The following UBE2E2 variants were observed in gnomAD, a reference collection of about 807,000 sequenced individuals.
UBE2E2 encodes the protein ubiquitin conjugating enzyme E2 E2.
A neutral mutation model predicts 24.7 loss-of-function variants in UBE2E2; 6 were observed. The ratio of observed to expected loss-of-function variants is 0.24; its 90% CI spans 0.13 to 0.48. The LOEUF is 0.48. UBE2E2 is among the 20% of genes least tolerant of loss of function. The pLI, the probability that UBE2E2 is intolerant of heterozygous loss-of-function variation, is 0.99. For missense variants in UBE2E2, 169 were observed against 245.0 expected, an observed-to-expected ratio of 0.69 and a Z score of 2.07; for synonymous variants, 104 against 83.6, an observed-to-expected ratio of 1.24 and a Z score of -1.33.
At chr3:23,485,982 G>T (rs1267590732) in intron 3 of UBE2E2, among the ~76,000 whole-genome samples, 1 of 152,190 alleles carries the variant, frequency 6.6e-6, no homozygotes, top group African/African-American at 2.4e-5. Flanking sequence ...TCCTTCAGGT[G>T]TCGCTTCACC....
At chr3:23,573,520 A>T (rs1696274120) in intron 5 of UBE2E2, among the ~76,000 whole-genome samples, 1 of 152,220 alleles carries the variant, frequency 6.6e-6, no homozygotes, top group Admixed American at 6.5e-5. Flanking sequence ...AGTACTAAAC[A>T]GCCAGTATTA....
At chr3:23,402,328 G>A (rs35028631) in intron 3 of UBE2E2, among the ~76,000 whole-genome samples, 11,089 of 152,154 alleles carry the variant, frequency 0.073, 528 homozygotes, top group Non-Finnish European at 0.088. Context: ...GTGATCTTAC[G>A]TGATAGTCAC....
intron 5 of UBE2E2, among the ~76,000 whole-genome samples, chr3:23,551,319 G>A (rs375473801): frequency 1.3e-5 from 2 of 152,158 alleles, no homozygotes; most frequent in East Asian, 3.8e-4. Context: ...TTATAACTTT[G>A]GTAAGTATTC....
intron 3 of UBE2E2, among the ~76,000 whole-genome samples, chr3:23,288,528 T>C (rs1698678641): frequency 1.3e-5 from 2 of 152,236 alleles, no homozygotes; most frequent in Non-Finnish European, 2.9e-5. Context: ...AGTCTCCAGC[T>C]ATTATTGTAT....
chr3:23,566,618 C>T (rs906720147), intron 5 of UBE2E2, among the ~76,000 whole-genome samples: 6 of 152,088 alleles, frequency 3.9e-5, no homozygotes, highest in African/African-American at 1.4e-4. Context: ...AGAGTGAAGG[C>T]AAGTCACATG....
chr3:23,363,063 A>G (rs1428884961), intron 3 of UBE2E2, among the ~76,000 whole-genome samples: 1 of 152,238 alleles, frequency 6.6e-6, no homozygotes, highest in Non-Finnish European at 1.5e-5. Flanking sequence ...TCATAAGAGA[A>G]GGAGAAATAA....
At chr3:23,575,682 A>G (rs562736813) in intron 5 of UBE2E2, among the ~76,000 whole-genome samples, 22 of 152,200 alleles carry the variant, frequency 1.4e-4, no homozygotes, top group Non-Finnish European at 2.8e-4. Flanking sequence ...AGTAAATTGT[A>G]CATACTTTTA....
chr3:23,332,163 T>C (rs774283821), intron 3 of UBE2E2, among the ~76,000 whole-genome samples: 2 of 152,210 alleles, frequency 1.3e-5, no homozygotes, highest in Non-Finnish European at 2.9e-5. Flanking sequence ...TTTTTTTCTT[T>C]TTGAGATGGG....
At chr3:23,471,395 A>G (rs1699030967) in intron 3 of UBE2E2, among the ~76,000 whole-genome samples, 1 of 152,206 alleles carries the variant, frequency 6.6e-6, no homozygotes, top group African/African-American at 2.4e-5. Context: ...GGTAAGGACA[A>G]ACTGCCAACA....
chr3:23,579,701 T>TA (rs557538648), intron 5 of UBE2E2, among the ~76,000 whole-genome samples: 59 of 148,014 alleles, frequency 4.0e-4, no homozygotes, highest in South Asian at 2.6e-3. Context: ...CCCTGTCTCT[T>TA]AAAAAAAAAA....
rs915613681 is a variant in UBE2E2 at position 23,493,306 on chromosome 3, A to T, written c.228-6302A>T. ...GTAAAGACAGCGAGAGCCTATTTTC[A>T]TGATTTTTATTGCATGTAATATTTC... is the stretch of plus-strand genomic sequence containing the variant. On this transcript the variant is annotated intron_variant, in intron 3 of 5. Transcript: ENST00000396703. Among the ~76,000 whole-genome samples, 8 of 152,324 alleles carry T rather than the reference A, an allele frequency of 5.3e-5. No individual in the cohort carries two copies. In the East Asian group the frequency reaches 1.5e-3, roughly 29 times the overall value.
At chr3:23,419,268 C>T (rs1260783423) in intron 3 of UBE2E2, among the ~76,000 whole-genome samples, 1 of 152,086 alleles carries the variant, frequency 6.6e-6, no homozygotes, top group Non-Finnish European at 1.5e-5. Context: ...CATATCTAGC[C>T]CACAAACATT....
intron 5 of UBE2E2, among the ~76,000 whole-genome samples, chr3:23,540,878 T>C (rs1202427763): frequency 1.3e-5 from 2 of 152,192 alleles, no homozygotes; most frequent in African/African-American, 4.8e-5. Flanking sequence ...TATAGGCACA[T>C]GCCACCATAC....
chr3:23,567,316 T>G (rs1559424360), intron 5 of UBE2E2, among the ~76,000 whole-genome samples: 1 of 152,188 alleles, frequency 6.6e-6, no homozygotes, highest in Admixed American at 6.5e-5. Flanking sequence ...AGAAGCACTG[T>G]GTGTGGACAG....
chr3:23,320,181 C>T (rs1694705275), intron 3 of UBE2E2, among the ~76,000 whole-genome samples: 2 of 152,162 alleles, frequency 1.3e-5, no homozygotes, highest in Admixed American at 6.6e-5. Context: ...CACATTCAGT[C>T]GCAGGTACTA....
intron 3 of UBE2E2, among the ~76,000 whole-genome samples, chr3:23,353,079 G>C (rs558913946): frequency 6.6e-6 from 1 of 152,082 alleles, no homozygotes; most frequent in African/African-American, 2.4e-5. Context: ...GCTGGTTCAA[G>C]ATATGCAAAT....
chr3:23,548,105 A>G (rs531725854), intron 5 of UBE2E2, among the ~76,000 whole-genome samples: 7 of 152,314 alleles, frequency 4.6e-5, no homozygotes, highest in Non-Finnish European at 7.3e-5. Flanking sequence ...ATGTTCTCAC[A>G]TCAGCTTACT....
intron 2 of UBE2E2, among the ~76,000 whole-genome samples, chr3:23,209,865 A>G (rs1249460974): frequency 6.6e-6 from 1 of 152,176 alleles, no homozygotes; most frequent in Non-Finnish European, 1.5e-5. Context: ...GTACTAGAGT[A>G]TTCAGTTTCC....
chr3:23,557,933 T>C (rs1284027574), intron 5 of UBE2E2, among the ~76,000 whole-genome samples: 2 of 152,170 alleles, frequency 1.3e-5, no homozygotes, highest in African/African-American at 4.8e-5. Context: ...TCAGCATAGC[T>C]TTTTGTCTAT....
Sources: allele counts gnomAD v4.1 joint callset (sites outside exome capture counted in the v4.1 genomes callset), GRCh38; gene constraint gnomAD v4.1.1; transcripts MANE v1.5; gene names NCBI Gene and HGNC (gene_info 2026-07-23, HGNC 2026-07-21).